CHN2: variants seen among roughly 807,000 people sequenced by gnomAD.
CHN2 encodes the protein beta-chimaerin.
CHN2 carries 35 observed loss-of-function variants against 56.3 expected under a neutral mutation model. The observed-to-expected ratio is 0.62, with a 90% CI of 0.47 to 0.82. CHN2 has a LOEUF of 0.82. Among genes scored for constraint, CHN2 ranks in the 40% least tolerant of loss-of-function variants. CHN2 has a pLI of 0.00. For synonymous variants in CHN2, 210 were observed against 212.8 expected (o/e 0.99, Z 0.12); for missense variants, 491 against 580.5 (o/e 0.85, Z 1.58).
At chr7:29,491,422 A>T (rs76288864) in intron 7 of CHN2, among the ~76,000 whole-genome samples, 72 of 113,560 alleles carry the variant, frequency 6.3e-4, no homozygotes, top group Non-Finnish European at 8.8e-4. Context: ...TGTGTGTGTG[A>T]GAGAGAGAGA....
At chr7:29,204,093 G>A (rs975030134) in intron 1 of CHN2, among the ~76,000 whole-genome samples, 4 of 151,546 alleles carry the variant, frequency 2.6e-5, no homozygotes, top group African/African-American at 9.7e-5. Context: ...GTGTGTGTGT[G>A]TGTGTGTGTG....
chr7:29,417,276 A>C (rs554907420), intron 6 of CHN2, among the ~76,000 whole-genome samples: 105 of 151,990 alleles, frequency 6.9e-4, no homozygotes, highest in African/African-American at 2.4e-3. Flanking sequence ...GAGAGGGAGG[A>C]AGGAAGGAAT....
At chr7:29,400,903 G>C in intron 6 of CHN2, 75 bp downstream of exon 6, 1 of 1,460,446 alleles carries the variant, frequency 6.8e-7, no homozygotes, top group African/African-American at 1.4e-5. Context: ...CTATAGGTGC[G>C]ATTTGCTGAA....
At chr7:29,419,960 C>T (rs1319482999) in intron 6 of CHN2, among the ~76,000 whole-genome samples, 5 of 151,112 alleles carry the variant, frequency 3.3e-5, no homozygotes, top group East Asian at 2.0e-4. Context: ...CTCGGGAGGC[C>T]GAGGCAGAAG....
At chr7:29,472,367 A>G (rs996050773) in intron 6 of CHN2, among the ~76,000 whole-genome samples, 4 of 143,610 alleles carry the variant, frequency 2.8e-5, no homozygotes, top group Non-Finnish European at 4.6e-5. Context: ...ACCAACATTA[A>G]AAGTATTTTA....
intron 1 of CHN2, among the ~76,000 whole-genome samples, chr7:29,323,115 A>G (rs908850455): frequency 1.3e-5 from 2 of 152,138 alleles, no homozygotes; most frequent in Non-Finnish European, 2.9e-5. Flanking sequence ...AGATCGTGCC[A>G]CTGCACTCCA....
intron 2 of CHN2, among the ~76,000 whole-genome samples, chr7:29,158,683 A>T (rs1258083362): frequency 6.6e-6 from 1 of 152,232 alleles, no homozygotes; most frequent in Non-Finnish European, 1.5e-5. Context: ...GTCATTAGAC[A>T]TGGCCGTAGA....
chr7:29,157,756 C>T (rs552108018), intron 2 of CHN2, among the ~76,000 whole-genome samples: 9 of 152,094 alleles, frequency 5.9e-5, no homozygotes, highest in Non-Finnish European at 1.2e-4. Flanking sequence ...TAACACTAAA[C>T]TCATTTTTCT....
Position 29,480,294 on chromosome 7 carries a change from C to A in CHN2, c.592C>A (p.Arg198=), listed in dbSNP as rs755316622. ...CTGTTCACAGATCTCCTCCCTGGTT[C>A]GAAGGGCTGCCCTCACACACAACGA... ...TAVEKISSLV[R]RAALTHNDNH... is the part of the protein sequence containing the mutation. The change falls in exon 7 of 13, where the codon CGA becomes AGA. Residue 198 remains arginine, a synonymous_variant. Transcript: ENST00000222792. 1.9e-6 allele frequency: 3 copies of A among 1,614,066 alleles called. No individual in the cohort carries two copies. In the Admixed American group the frequency reaches 5.0e-5, roughly 27 times the overall value.
At chr7:29,196,791 G>T (rs2128764518) in intron 1 of CHN2, among the ~76,000 whole-genome samples, 1 of 152,332 alleles carries the variant, frequency 6.6e-6, no homozygotes, top group East Asian at 1.9e-4. Flanking sequence ...AAACAACACA[G>T]TATGAGATTT....
intron 1 of CHN2, among the ~76,000 whole-genome samples, chr7:29,278,990 C>T (rs1791453412): frequency 7.2e-6 from 1 of 138,858 alleles, no homozygotes; most frequent in Non-Finnish European, 1.6e-5. Context: ...CAGGGAGGTC[C>T]AGCTGTCCCC....
intron 6 of CHN2, among the ~76,000 whole-genome samples, chr7:29,424,529 C>A (rs1232621672): frequency 6.6e-6 from 1 of 152,216 alleles, no homozygotes; most frequent in Non-Finnish European, 1.5e-5. Flanking sequence ...TCAATTGTCA[C>A]AACTGTTGAC....
At chr7:29,223,641 A>G (rs1164471313) in intron 1 of CHN2, among the ~76,000 whole-genome samples, 1 of 152,120 alleles carries the variant, frequency 6.6e-6, no homozygotes, top group South Asian at 2.1e-4. Flanking sequence ...CAATTTCTAT[A>G]AATTTAATTG....
intron 7 of CHN2, among the ~76,000 whole-genome samples, chr7:29,480,677 T>A (rs545205863): frequency 1.3e-5 from 2 of 152,354 alleles, no homozygotes; most frequent in African/African-American, 4.8e-5. Context: ...CAGTCAGAGA[T>A]GTTCTGCTGA....
chr7:29,159,986 T>A (rs1794958116), intron 2 of CHN2, among the ~76,000 whole-genome samples: 1 of 152,212 alleles, frequency 6.6e-6, no homozygotes, highest in African/African-American at 2.4e-5. Flanking sequence ...TTGGTGGTCA[T>A]CTTCTGACTA....
intron 1 of CHN2, among the ~76,000 whole-genome samples, chr7:29,269,103 A>C (rs1413793326): frequency 6.6e-6 from 1 of 152,184 alleles, no homozygotes; most frequent in Non-Finnish European, 1.5e-5. Flanking sequence ...TGAAATAGGC[A>C]ATAAATTATT....
intron 1 of CHN2, among the ~76,000 whole-genome samples, chr7:29,270,077 T>G (rs1001914973): frequency 6.6e-6 from 1 of 152,246 alleles, no homozygotes; most frequent in Non-Finnish European, 1.5e-5. Flanking sequence ...TTCTCTGCCT[T>G]TTCTGACTTG....
chr7:29,448,352 C>A (rs978456211), intron 6 of CHN2, among the ~76,000 whole-genome samples: 1 of 151,886 alleles, frequency 6.6e-6, no homozygotes, highest in East Asian at 1.9e-4. Context: ...ATTTCTTAGT[C>A]GTTGGAAATG....
intron 3 of CHN2, among the ~76,000 whole-genome samples, chr7:29,373,238 G>T (rs1278096050): frequency 6.6e-6 from 1 of 150,656 alleles, no homozygotes; most frequent in Non-Finnish European, 1.5e-5. Context: ...GTGCAGTGGC[G>T]CTATCTTGAC....
Sources: allele counts gnomAD v4.1 joint callset (sites outside exome capture counted in the v4.1 genomes callset), GRCh38; gene constraint gnomAD v4.1.1; transcripts MANE v1.5; gene names NCBI Gene and HGNC (gene_info 2026-07-23, HGNC 2026-07-21).